Variants in LRP1B observed in about 807,000 individuals in gnomAD.
LRP1B encodes low-density lipoprotein receptor-related protein 1B.
LRP1B carries 217 observed loss-of-function variants against 556.6 expected under a neutral mutation model. The observed-to-expected ratio is 0.39, with a 90% CI of 0.35 to 0.44. The LOEUF (loss-of-function observed/expected upper bound fraction) is 0.44. LRP1B is among the 20% of genes least tolerant of loss of function. The probability of loss-of-function intolerance (pLI) is 1.00; values close to 1 mark genes in which losing one functional copy is unlikely to be tolerated. For missense variants in LRP1B, 5,053 were observed against 5,620.8 expected (o/e 0.90, Z 3.23); for synonymous variants, 2,047 against 1,865.8 (o/e 1.10, Z -2.50).
In LRP1B at chr2:142,101,655, C is replaced by T. The variant is rs75191307; in HGVS notation, c.82+28993G>A. On this transcript the variant is annotated intron_variant, in intron 1 of 90. Transcript: ENST00000389484. Reference sequence around the variant, plus strand: ...TTTTAACTGTTTCTTCTAGAATTACCTTTAGACACAACCTATCACTTAAAA... The same window carrying T: ...TTTTAACTGTTTCTTCTAGAATTACTTTTAGACACAACCTATCACTTAAAA... 5.8e-3 allele frequency among the ~76,000 whole-genome samples: 874 copies of T among 151,972 alleles called. 9 individuals carry two copies. Among genetic ancestry groups the T allele is most frequent in the African/African-American group, 0.02 (843 of 41,496 alleles).
chr2:140,360,253 T>C (rs1288993328), intron 72 of LRP1B, among the ~76,000 whole-genome samples: 1 of 151,600 alleles, frequency 6.6e-6, no homozygotes, highest in Admixed American at 6.6e-5. Flanking sequence ...TCTCAATATT[T>C]GAGCAATATT....
chr2:141,232,442 A>G (rs1175371027), intron 5 of LRP1B, among the ~76,000 whole-genome samples: 2 of 152,172 alleles, frequency 1.3e-5, no homozygotes, highest in Admixed American at 6.5e-5. Flanking sequence ...TTAGACAGCC[A>G]TTTTTTGGCT....
rs528139887 is a variant in LRP1B, at chr2:140,525,238, A to AT, written c.8026+605dup. On this transcript the variant is annotated intron_variant, in intron 49 of 90. Transcript: ENST00000389484. ...CCAGTTATACATAGTTCTTTTTATA[A>AT]TTTTTTTTTAATTTCATGTCCTCAA... Among the ~76,000 whole-genome samples, 770 of 151,426 alleles carry AT rather than the reference A, an allele frequency of 5.1e-3. 5 individuals are homozygous for AT. The highest frequency in any genetic ancestry group is 0.011 in the South Asian group (52 of 4,812).
intron 7 of LRP1B, among the ~76,000 whole-genome samples, chr2:141,136,986 T>C (rs1350914979): frequency 1.3e-5 from 2 of 151,912 alleles, no homozygotes; most frequent in African/African-American, 4.8e-5. Flanking sequence ...ATGAAATCCA[T>C]ACACTGTCAA....
chr2:141,917,054 A>G (rs1700057129), intron 1 of LRP1B, among the ~76,000 whole-genome samples: 1 of 152,244 alleles, frequency 6.6e-6, no homozygotes, highest in African/African-American at 2.4e-5. Context: ...ATATGAACAT[A>G]TGAATCACAG....
At chr2:141,512,029 A>C (rs1236591861) in intron 2 of LRP1B, among the ~76,000 whole-genome samples, 1 of 152,198 alleles carries the variant, frequency 6.6e-6, no homozygotes, top group Non-Finnish European at 1.5e-5. Context: ...TAATAATCAC[A>C]TACAGAAAAA....
intron 77 of LRP1B, among the ~76,000 whole-genome samples, chr2:140,344,323 C>T (rs1681543609): frequency 6.6e-6 from 1 of 151,776 alleles, no homozygotes; most frequent in Non-Finnish European, 1.5e-5. Context: ...AGATGCCTGG[C>T]TCAAACCTAG....
intron 41 of LRP1B, among the ~76,000 whole-genome samples, chr2:140,664,296 C>T (rs922719195): frequency 3.3e-5 from 5 of 152,028 alleles, no homozygotes; most frequent in Admixed American, 3.3e-4. Flanking sequence ...CCATGACCTT[C>T]GACATGCAAA....
chr2:141,017,546 G>A (rs1207175663), intron 12 of LRP1B, among the ~76,000 whole-genome samples: 1 of 151,458 alleles, frequency 6.6e-6, no homozygotes, highest in Non-Finnish European at 1.5e-5. Flanking sequence ...TTGAGAAAAG[G>A]AATTGTTCGC....
intron 20 of LRP1B, among the ~76,000 whole-genome samples, chr2:140,932,547 T>C (rs1573894067): frequency 6.6e-6 from 1 of 152,062 alleles, no homozygotes; most frequent in Admixed American, 6.6e-5. Context: ...TTGTTTGTGA[T>C]TCACAGAACA....
At chr2:141,091,322 A>T (rs1349864339) in intron 7 of LRP1B, among the ~76,000 whole-genome samples, 1 of 152,196 alleles carries the variant, frequency 6.6e-6, no homozygotes, top group African/African-American at 2.4e-5. Context: ...CAAAAGGATC[A>T]AGGGTGGTGT....
At chr2:140,516,130 A>C (rs568510032) in intron 50 of LRP1B, among the ~76,000 whole-genome samples, 1 of 152,068 alleles carries the variant, frequency 6.6e-6, no homozygotes, top group Non-Finnish European at 1.5e-5. Flanking sequence ...ATAGAAGTTT[A>C]TATATATTAT....
At chr2:141,330,844 C>T (rs576125943) in intron 3 of LRP1B, among the ~76,000 whole-genome samples, 4 of 151,372 alleles carry the variant, frequency 2.6e-5, no homozygotes, top group Non-Finnish European at 5.9e-5. Context: ...GCTCCGCCTC[C>T]CAGGCTTAGG....
intron 3 of LRP1B, among the ~76,000 whole-genome samples, chr2:141,343,675 A>C (rs1368207847): frequency 6.6e-6 from 1 of 152,138 alleles, no homozygotes; most frequent in Non-Finnish European, 1.5e-5. Context: ...ATGATGTGTG[A>C]ATCACTCTGG....
intron 3 of LRP1B, among the ~76,000 whole-genome samples, chr2:141,407,209 C>T (rs1690675793): frequency 1.3e-5 from 2 of 152,070 alleles, no homozygotes; most frequent in South Asian, 2.1e-4. Context: ...AAATGCTCCC[C>T]ATTACTTTAC....
intron 27 of LRP1B, among the ~76,000 whole-genome samples, chr2:140,858,480 TAATA>T (rs1189146747): frequency 1.4e-5 from 2 of 141,064 alleles, no homozygotes; most frequent in Non-Finnish European, 3.0e-5. Flanking sequence ...ATTTTATATA[TAATA>T]TATATTTTAT....
rs1344042108 is a variant in LRP1B at position 140,505,205 on chromosome 2, C to T, written c.8521+1591G>A. Reference sequence around the variant, plus strand: ...CATTTAATTCTCTGAACAGTCCTAACATTTAAGCCTTTTTATTAAACATAC... The same window carrying T: ...CATTTAATTCTCTGAACAGTCCTAATATTTAAGCCTTTTTATTAAACATAC... On this transcript the variant is annotated intron_variant, in intron 53 of 90. Coordinates refer to ENST00000389484, the MANE Select transcript of LRP1B (RefSeq NM_018557.3). 1.1e-4 allele frequency among the ~76,000 whole-genome samples: 16 copies of T among 152,162 alleles called. 1 individual carries two copies. The highest frequency in any genetic ancestry group is 2.9e-5 in the Non-Finnish European group (2 of 68,036).
chr2:141,599,623 T>A (rs1342737933), intron 2 of LRP1B, among the ~76,000 whole-genome samples: 1 of 152,140 alleles, frequency 6.6e-6, no homozygotes, highest in African/African-American at 2.4e-5. Flanking sequence ...ATATGTACAA[T>A]TTGATCCAGA....
intron 2 of LRP1B, among the ~76,000 whole-genome samples, chr2:141,504,521 AG>A (rs1683849028): frequency 6.6e-6 from 1 of 152,138 alleles, no homozygotes. Context: ...ATTCCAACCA[AG>A]GAACAAACCT....
Sources: gnomAD v4.1 joint callset for allele counts (sites outside exome capture counted in the v4.1 genomes callset) on GRCh38, gnomAD v4.1.1 for gene constraint, MANE v1.5 for transcripts, NCBI Gene and HGNC (gene_info 2026-07-23, HGNC 2026-07-21) for gene names.